ASAH2: variants seen among roughly 807,000 people sequenced by gnomAD.
ASAH2 encodes N-acylsphingosine amidohydrolase 2.
A neutral mutation model predicts 82.9 loss-of-function variants in ASAH2; 58 were observed. The observed-to-expected ratio is 0.70, with a 90% CI of 0.57 to 0.87. The LOEUF (loss-of-function observed/expected upper bound fraction) is 0.87, where lower values mean the gene tolerates loss of function less well. ASAH2 is among the 40% of genes least tolerant of loss of function. The pLI, the probability that ASAH2 is intolerant of heterozygous loss-of-function variation, is 0.00. For missense variants in ASAH2, 779 were observed against 834.0 expected, an observed-to-expected ratio of 0.93 and a Z score of 0.81; for synonymous variants, 276 against 289.7, an observed-to-expected ratio of 0.95 and a Z score of 0.48.
At chr10:50,244,514 G>C (rs924535701) in intron 3 of ASAH2, among the ~76,000 whole-genome samples, 6 of 152,170 alleles carry the variant, frequency 3.9e-5, no homozygotes, top group Non-Finnish European at 7.4e-5. Flanking sequence ...TGGAGGGAGG[G>C]AGTGAATCCC....
At chr10:50,233,782 T>C (rs1286928455) in intron 6 of ASAH2, among the ~76,000 whole-genome samples, 1 of 152,130 alleles carries the variant, frequency 6.6e-6, no homozygotes, top group Admixed American at 6.6e-5. Flanking sequence ...TGTGGTATTA[T>C]TTTACAGTGT....
chr10:50,221,536 C>A (rs1845742815), intron 7 of ASAH2, among the ~76,000 whole-genome samples: 1 of 152,066 alleles, frequency 6.6e-6, no homozygotes, highest in Admixed American at 6.6e-5. Flanking sequence ...TATCTTCATT[C>A]TGCAACTAAG....
chr10:50,233,801 C>T (rs1846075643), intron 6 of ASAH2, among the ~76,000 whole-genome samples: 1 of 152,034 alleles, frequency 6.6e-6, no homozygotes, highest in Non-Finnish European at 1.5e-5. Context: ...GTTACAGTAA[C>T]CAAGCACTTC....
intron 7 of ASAH2, among the ~76,000 whole-genome samples, chr10:50,231,043 G>GAA (rs1367246294): frequency 9.3e-5 from 9 of 96,280 alleles, no homozygotes; most frequent in East Asian, 3.0e-4. Context: ...CTTGTCTCAG[G>GAA]AAAAAAAAAA....
intron 7 of ASAH2, 36 bp from the exon 8 acceptor site, chr10:50,218,666 GA>G: frequency 2.5e-6 from 4 of 1,613,410 alleles, no homozygotes; most frequent in Non-Finnish European, 3.4e-6. Flanking sequence ...TTAATCAGGA[GA>G]ACGAGAGAAC....
intron 12 of ASAH2, among the ~76,000 whole-genome samples, chr10:50,210,169 T>C (rs2133205939): frequency 6.6e-6 from 1 of 152,150 alleles, no homozygotes; most frequent in South Asian, 2.1e-4. Flanking sequence ...TTTAAACAAA[T>C]CTGATATGTT....
intron 14 of ASAH2, among the ~76,000 whole-genome samples, chr10:50,204,294 G>A (rs1045480226): frequency 6.6e-6 from 1 of 151,974 alleles, no homozygotes; most frequent in Non-Finnish European, 1.5e-5. Context: ...CAGACAGCAG[G>A]TTATTTCAAA....
chr10:50,225,715 A>G lies in ASAH2; in HGVS notation c.894-7085T>C, dbSNP rs1385600540. Among the ~76,000 whole-genome samples the G allele has an allele frequency of 8.5e-5, 13 of 152,336 alleles. No homozygotes were observed. In the South Asian group the frequency reaches 1.2e-3, roughly 15 times the overall value. The stretch of plus-strand genomic sequence containing the variant: ...CAATTTATAGGAAAAGCTTTAAAAT[A>G]TAAACATTCTCTTTGGCTCAGGAAT... On this transcript the variant is annotated intron_variant, in intron 7 of 20. Coordinates refer to ENST00000682911, the MANE Select transcript of ASAH2 (RefSeq NM_019893.4).
chr10:50,247,745 A>G (rs1048631823), intron 2 of ASAH2, among the ~76,000 whole-genome samples: 2 of 152,158 alleles, frequency 1.3e-5, no homozygotes, highest in African/African-American at 4.8e-5. Flanking sequence ...TATGTAACCT[A>G]ACACTGACTG....
Position 50,202,753 on chromosome 10 carries a change from AAAG to A in ASAH2, c.1761+73_1761+75del. 3 of 1,049,164 alleles carry A rather than the reference AAAG, an allele frequency of 2.9e-6. No homozygotes were observed. The South Asian group carries it at 3.8e-5, about 13-fold the overall frequency. 65.0% of individuals were successfully genotyped at this position (1,049,164 alleles called of 1,614,324 possible). Reference sequence around the variant, plus strand: ...CAGAAACATGACTGGGAAAGTTTACAAAGCAAGTCTGCATTTGACACAATAGTC... The same window carrying A: ...CAGAAACATGACTGGGAAAGTTTACACAAGTCTGCATTTGACACAATAGTC... On this transcript the variant is annotated intron_variant, in intron 16 of 20. Transcript: ENST00000682911.
chr10:50,213,532 A>G (rs1845517312), intron 9 of ASAH2, among the ~76,000 whole-genome samples: 1 of 152,178 alleles, frequency 6.6e-6, no homozygotes, highest in Non-Finnish European at 1.5e-5. Flanking sequence ...CTTATGTCAG[A>G]AAAAATTGAG....
intron 12 of ASAH2, among the ~76,000 whole-genome samples, chr10:50,206,847 C>T (rs1258828815): frequency 6.6e-6 from 1 of 151,852 alleles, no homozygotes; most frequent in Non-Finnish European, 1.5e-5. Flanking sequence ...ACCTACCAAT[C>T]TATAGAATAC....
intron 15 of ASAH2, among the ~76,000 whole-genome samples, chr10:50,203,231 A>G (rs890168944): frequency 7.9e-5 from 12 of 152,104 alleles, no homozygotes; most frequent in African/African-American, 2.9e-4. Flanking sequence ...GTAACAAGAC[A>G]TTTTTGACAT....
chr10:50,236,864 A>G (rs2133227124), intron 4 of ASAH2, among the ~76,000 whole-genome samples: 1 of 152,290 alleles, frequency 6.6e-6, no homozygotes, highest in East Asian at 1.9e-4. Context: ...TTCATCATTC[A>G]ACAGGTGCTC....
chr10:50,217,032 G>A (rs959511139), intron 8 of ASAH2, among the ~76,000 whole-genome samples: 1 of 152,104 alleles, frequency 6.6e-6, no homozygotes, highest in Non-Finnish European at 1.5e-5. Flanking sequence ...TAGCCTAGCA[G>A]GAAGAGACTG....
At chr10:50,233,061 C>A in intron 7 of ASAH2, 123 bp downstream of exon 7, 1 of 845,390 alleles carries the variant, frequency 1.2e-6, no homozygotes, top group East Asian at 2.5e-5. Context: ...GACTTCAGAA[C>A]CTGGACTCTT....
chr10:50,219,595 T>G (rs932547150), intron 7 of ASAH2, among the ~76,000 whole-genome samples: 1 of 152,226 alleles, frequency 6.6e-6, no homozygotes, highest in Admixed American at 6.5e-5. Context: ...AAAAAAAAAT[T>G]GTTGATTCAA....
In ASAH2 at chr10:50,210,898, T is replaced by G. The variant is rs1384397553; in HGVS notation, c.1339A>C (p.Thr447Pro). Residue 447 changes from threonine to proline, a missense_variant, in exon 12 of 21, where the codon ACA becomes CCA. By Grantham distance (38) the Thr-to-Pro change is conservative. Coordinates refer to ENST00000682911, the MANE Select transcript of ASAH2 (RefSeq NM_019893.4). ...VWLNSTHASK[T>P]CKPALGYSFA... ...CTGTAGCCCAATGCTGGTTTACATG[T>G]TTTTGACTAAAGGAAAAGTTTTAAA... 1.2e-6 allele frequency: 2 copies of G among 1,612,746 alleles called. No homozygotes were observed. Among genetic ancestry groups the G allele is most frequent in the Admixed American group, 3.3e-5 (2 of 59,938 alleles).
intron 5 of ASAH2, 48 bp from the exon 6 acceptor site, chr10:50,234,600 G>A (rs1401562102): frequency 6.8e-6 from 11 of 1,611,656 alleles, no homozygotes; most frequent in South Asian, 3.3e-5. Flanking sequence ...AAATCCTGGT[G>A]GGGACAATAA....
Sources: allele counts gnomAD v4.1 joint callset (sites outside exome capture counted in the v4.1 genomes callset), GRCh38; gene constraint gnomAD v4.1.1; transcripts MANE v1.5; gene names NCBI Gene and HGNC (gene_info 2026-07-23, HGNC 2026-07-21).